EFCAB11: variants seen among roughly 807,000 people sequenced by gnomAD.
EFCAB11 encodes the protein EF-hand calcium-binding domain-containing protein 11.
A neutral mutation model predicts 23.0 loss-of-function variants in EFCAB11; 14 were observed. The ratio of observed to expected loss-of-function variants is 0.61; its 90% CI spans 0.40 to 0.95. EFCAB11 has a LOEUF of 0.95. Among genes scored for constraint, EFCAB11 ranks in the 40% least tolerant of loss-of-function variants. EFCAB11 has a pLI of 0.00. For missense variants in EFCAB11, 198 were observed against 195.8 expected, an observed-to-expected ratio of 1.01 and a Z score of -0.07; for synonymous variants, 65 against 66.6, an observed-to-expected ratio of 0.98 and a Z score of 0.11.
chr14:89,855,312 C>A (rs77819415), intron 5 of EFCAB11, among the ~76,000 whole-genome samples: 21 of 151,650 alleles, frequency 1.4e-4, no homozygotes, highest in African/African-American at 5.1e-4. Flanking sequence ...CCCATCTCTA[C>A]AAAAAATACA....
At chr14:89,855,545 G>C (rs55873981) in intron 5 of EFCAB11, among the ~76,000 whole-genome samples, 1 of 152,092 alleles carries the variant, frequency 6.6e-6, no homozygotes, top group South Asian at 2.1e-4. Flanking sequence ...GATACATACC[G>C]ATAGGAAAAT....
intron 5 of EFCAB11, among the ~76,000 whole-genome samples, chr14:89,860,451 GTGT>G (rs745333114): frequency 6.6e-6 from 1 of 152,198 alleles, no homozygotes; most frequent in Non-Finnish European, 1.5e-5. Flanking sequence ...TAAAAAGCTT[GTGT>G]TGTTACTATA....
chr14:89,869,858 G>A (rs562931735), intron 5 of EFCAB11, among the ~76,000 whole-genome samples: 22 of 152,274 alleles, frequency 1.4e-4, no homozygotes, highest in South Asian at 1.2e-3. Flanking sequence ...AGCTCTCTTC[G>A]CAAGTGTGAT....
rs1012330007 is a variant in EFCAB11, at chr14:89,898,288, A to C, written c.410+33253T>G. On this transcript the variant is annotated intron_variant, in intron 5 of 5. Transcript: ENST00000316738. ...CTCTTTTTATGGTGAAAATCTATGC[A>C]TGACCCTACAAGAAACTGTTCTTAT... 3.9e-5 allele frequency among the ~76,000 whole-genome samples: 6 copies of C among 152,158 alleles called. No homozygotes were observed. The East Asian group carries it at 5.8e-4, about 15-fold the overall frequency.
intron 5 of EFCAB11, among the ~76,000 whole-genome samples, chr14:89,898,605 T>C (rs948015840): frequency 6.6e-6 from 1 of 151,522 alleles, no homozygotes; most frequent in Admixed American, 6.6e-5. Flanking sequence ...TGTCAAGTGA[T>C]CCACCCACCT....
At chr14:89,945,930 T>TA (rs200137234) in intron 3 of EFCAB11, among the ~76,000 whole-genome samples, 3 of 151,520 alleles carry the variant, frequency 2.0e-5, no homozygotes, top group African/African-American at 4.9e-5. Context: ...TTTTTATTTT[T>TA]TTTTTTGAGA....
At chr14:89,866,385 C>T (rs761220027) in intron 5 of EFCAB11, among the ~76,000 whole-genome samples, 3 of 152,224 alleles carry the variant, frequency 2.0e-5, no homozygotes, top group Non-Finnish European at 4.4e-5. Context: ...GCTTAAAATT[C>T]CTAATGTCAG....
At chr14:89,949,631 G>A (rs1158601682) in intron 3 of EFCAB11, among the ~76,000 whole-genome samples, 1 of 152,150 alleles carries the variant, frequency 6.6e-6, no homozygotes, top group Non-Finnish European at 1.5e-5. Context: ...TTCCCAAAGT[G>A]CTGGGACTAC....
chr14:89,827,626 CTCT>C (rs1886738303), intron 5 of EFCAB11, among the ~76,000 whole-genome samples: 1 of 137,640 alleles, frequency 7.3e-6, no homozygotes, highest in African/African-American at 2.7e-5. Flanking sequence ...ATTTTATTCA[CTCT>C]TTTTTTTTTT....
chr14:89,946,061 G>A (rs550647823), intron 3 of EFCAB11, among the ~76,000 whole-genome samples: 83 of 152,050 alleles, frequency 5.5e-4, no homozygotes, highest in African/African-American at 1.9e-3. Flanking sequence ...TGGGATTACA[G>A]GCATGCACCA....
chr14:89,872,188 A>T (rs1398794902), intron 5 of EFCAB11, among the ~76,000 whole-genome samples: 1 of 152,238 alleles, frequency 6.6e-6, no homozygotes, highest in African/African-American at 2.4e-5. Flanking sequence ...TCATATAATA[A>T]TTCAACAGTT....
At chr14:89,829,973 A>C (rs1424513767) in intron 5 of EFCAB11, 1 of 152,196 alleles carries the variant, frequency 6.6e-6, no homozygotes. Context: ...AGACTTTGAA[A>C]GCATAGTGGC....
chr14:89,905,605 G>A (rs1044234700), intron 5 of EFCAB11, among the ~76,000 whole-genome samples: 1 of 152,182 alleles, frequency 6.6e-6, no homozygotes, highest in African/African-American at 2.4e-5. Flanking sequence ...CATCTCAAGA[G>A]TTATCATTTG....
intron 3 of EFCAB11, chr14:89,938,302 T>G (rs1890664842): frequency 6.6e-6 from 1 of 152,190 alleles, no homozygotes; most frequent in African/African-American, 2.4e-5. Flanking sequence ...AAAAAAATGC[T>G]TAAAAATTAG....
chr14:89,880,700 C>T (rs1888572166), intron 5 of EFCAB11, among the ~76,000 whole-genome samples: 1 of 152,170 alleles, frequency 6.6e-6, no homozygotes, highest in African/African-American at 2.4e-5. Flanking sequence ...ATAAGCTCTA[C>T]GACCTCTTGA....
intron 5 of EFCAB11, among the ~76,000 whole-genome samples, chr14:89,911,166 A>T (rs1889662752): frequency 6.6e-6 from 1 of 152,208 alleles, no homozygotes; most frequent in Non-Finnish European, 1.5e-5. Flanking sequence ...AAACATGAAA[A>T]TTTGGGGAAA....
intron 1 of EFCAB11, 35 bp downstream of exon 1, chr14:89,954,551 G>A: frequency 6.2e-7 from 1 of 1,610,288 alleles, no homozygotes; most frequent in Non-Finnish European, 8.5e-7. Flanking sequence ...AGGCCAAGCT[G>A]AAGTCCGAGG....
In EFCAB11 at chr14:89,954,383, G is replaced by T. The variant is rs571723855; in HGVS notation, c.75+203C>A. 2.6e-6 allele frequency: 4 copies of T among 1,536,160 alleles called. No individual in the cohort carries two copies. The African/African-American group carries it at 5.5e-5, about 21-fold the overall frequency. ...TAATAGACTATATAGAGAGAAAGGAGATGGAACTTGGAGGTAGCCGTAGTC... is the reference window on the plus strand; with the variant it reads ...TAATAGACTATATAGAGAGAAAGGATATGGAACTTGGAGGTAGCCGTAGTC... On this transcript the variant is annotated intron_variant, in intron 1 of 5. Coordinates refer to ENST00000316738, the MANE Select transcript of EFCAB11 (RefSeq NM_145231.4).
chr14:89,800,405 T>C (rs1344016644), intron 5 of EFCAB11, among the ~76,000 whole-genome samples: 1 of 152,106 alleles, frequency 6.6e-6, no homozygotes, highest in Non-Finnish European at 1.5e-5. Context: ...ACCCCCTGAA[T>C]GTCAGGCTGA....
Sources: allele counts gnomAD v4.1 joint callset (sites outside exome capture counted in the v4.1 genomes callset), GRCh38; gene constraint gnomAD v4.1.1; transcripts MANE v1.5; gene names NCBI Gene and HGNC (gene_info 2026-07-23, HGNC 2026-07-21).